SYN3: variants seen among roughly 807,000 people sequenced by gnomAD.
SYN3 encodes synapsin-3.
In SYN3, 35 loss-of-function variants were observed where a neutral mutation model predicts 65.8. The ratio of observed to expected loss-of-function variants is 0.53; its 90% CI spans 0.41 to 0.70. SYN3 has a LOEUF of 0.70. SYN3 is among the 30% of genes least tolerant of loss of function. SYN3 has a pLI of 0.00. For synonymous variants in SYN3, 270 were observed against 292.9 expected (o/e 0.92, Z 0.80); for missense variants, 680 against 749.0 (o/e 0.91, Z 1.08).
chr22:32,612,041 C>T (rs185873323), intron 6 of SYN3, among the ~76,000 whole-genome samples: 26 of 151,274 alleles, frequency 1.7e-4, no homozygotes, highest in Non-Finnish European at 2.5e-4. Flanking sequence ...TGAAAACCTC[C>T]GTGTGCTAGG....
At chr22:32,730,528 C>T (rs2061256484) in intron 6 of SYN3, among the ~76,000 whole-genome samples, 1 of 152,162 alleles carries the variant, frequency 6.6e-6, no homozygotes, top group Non-Finnish European at 1.5e-5. Flanking sequence ...ACAGTGTGTT[C>T]AAGAGGATTC....
At chr22:32,859,565 G>A in intron 6 of SYN3, 1 of 728,190 alleles carries the variant, frequency 1.4e-6, no homozygotes, top group Non-Finnish European at 2.2e-6. Flanking sequence ...GCCCCACCCT[G>A]CCCCTTCTTT....
chr22:32,751,219 C>G (rs137924003), intron 6 of SYN3, among the ~76,000 whole-genome samples: 18 of 152,128 alleles, frequency 1.2e-4, no homozygotes, highest in African/African-American at 4.1e-4. Flanking sequence ...GAGCAATGGA[C>G]CAGCTGTAGG....
intron 6 of SYN3, among the ~76,000 whole-genome samples, chr22:32,676,745 G>C (rs1172494509): frequency 6.7e-6 from 1 of 149,210 alleles, no homozygotes; most frequent in Non-Finnish European, 1.5e-5. Flanking sequence ...GGGTTTCACC[G>C]TGTTAGCCAG....
At chr22:32,856,903 A>G (rs1293703388) in intron 6 of SYN3, among the ~76,000 whole-genome samples, 1 of 152,186 alleles carries the variant, frequency 6.6e-6, no homozygotes, top group Non-Finnish European at 1.5e-5. Flanking sequence ...GAGTGAGAAC[A>G]TGGTGTATTT....
chr22:32,884,620 C>G (rs1037710919), intron 4 of SYN3, among the ~76,000 whole-genome samples: 3 of 152,198 alleles, frequency 2.0e-5, no homozygotes, highest in African/African-American at 7.2e-5. Context: ...TGGCTCACTC[C>G]TGTAACCCCC....
At chr22:32,845,084 G>A (rs1047486329) in intron 6 of SYN3, among the ~76,000 whole-genome samples, 1 of 152,054 alleles carries the variant, frequency 6.6e-6, no homozygotes, top group African/African-American at 2.4e-5. Flanking sequence ...CTCTTCCTAA[G>A]AGCAAAAGAA....
intron 13 of SYN3, among the ~76,000 whole-genome samples, chr22:32,517,458 G>T (rs780745652): frequency 6.6e-6 from 1 of 152,176 alleles, no homozygotes. Context: ...GACTGCAGTC[G>T]TATGAGTGAT....
At chr22:32,803,634 C>G (rs1297435045) in intron 6 of SYN3, among the ~76,000 whole-genome samples, 1 of 152,160 alleles carries the variant, frequency 6.6e-6, no homozygotes, top group Admixed American at 6.5e-5. Context: ...CCACCTCCAC[C>G]CACATTCCAC....
chr22:32,971,887 C>A (rs1318060903), intron 3 of SYN3, among the ~76,000 whole-genome samples: 1 of 152,184 alleles, frequency 6.6e-6, no homozygotes, highest in Non-Finnish European at 1.5e-5. Context: ...TTGGGCCACA[C>A]AGCCGTCTCA....
chr22:32,780,367 A>C (rs1372222051), intron 6 of SYN3, among the ~76,000 whole-genome samples: 1 of 152,024 alleles, frequency 6.6e-6, no homozygotes, highest in Admixed American at 6.6e-5. Context: ...GCTGTAGGAG[A>C]TGGAGACAGA....
chr22:32,738,976 G>A (rs986983739), intron 6 of SYN3, among the ~76,000 whole-genome samples: 4 of 152,298 alleles, frequency 2.6e-5, no homozygotes, highest in Admixed American at 1.3e-4. Flanking sequence ...TGTAATAAAG[G>A]TGATATTTTC....
At chr22:32,531,179 G>C (rs561570427) in intron 10 of SYN3, among the ~76,000 whole-genome samples, 1 of 61,984 alleles carries the variant, frequency 1.6e-5, no homozygotes, top group African/African-American at 7.2e-5. Context: ...AAAAAAAAAA[G>C]AATGTGAGTA....
At chr22:32,658,165 CAGA>C (rs2060168086) in intron 6 of SYN3, among the ~76,000 whole-genome samples, 1 of 152,152 alleles carries the variant, frequency 6.6e-6, no homozygotes, top group African/African-American at 2.4e-5. Flanking sequence ...CCAAGTGAGG[CAGA>C]AGGAGAATAA....
intron 6 of SYN3, among the ~76,000 whole-genome samples, chr22:32,776,792 T>C (rs1235886584): frequency 6.6e-6 from 1 of 152,096 alleles, no homozygotes; most frequent in East Asian, 1.9e-4. Context: ...GGAGAAGGCA[T>C]AAGAATTCAA....
intron 6 of SYN3, among the ~76,000 whole-genome samples, chr22:32,832,528 G>A (rs185725016): frequency 4.0e-5 from 6 of 148,732 alleles, no homozygotes; most frequent in Admixed American, 3.3e-4. Flanking sequence ...TACTTTCTAC[G>A]TAATAAGCCT....
chr22:32,831,173 G>T (rs1048463780), intron 6 of SYN3, among the ~76,000 whole-genome samples: 3 of 152,160 alleles, frequency 2.0e-5, no homozygotes, highest in Non-Finnish European at 4.4e-5. Context: ...CTTCAGGAGG[G>T]TGTGGGAGCC....
intron 3 of SYN3, among the ~76,000 whole-genome samples, chr22:32,952,024 T>C (rs893888821): frequency 2.6e-5 from 4 of 152,360 alleles, no homozygotes; most frequent in Non-Finnish European, 4.4e-5. Flanking sequence ...TTTAGCTTGC[T>C]GGTCCTGGGG....
intron 2 of SYN3, among the ~76,000 whole-genome samples, chr22:32,999,543 C>T (rs1283880942): frequency 1.3e-5 from 2 of 152,210 alleles, no homozygotes; most frequent in Admixed American, 6.5e-5. Context: ...ATTAGCTGGG[C>T]GTGGTGGCCT....
Sources: gnomAD v4.1 joint callset for allele counts (sites outside exome capture counted in the v4.1 genomes callset) on GRCh38, gnomAD v4.1.1 for gene constraint, MANE v1.5 for transcripts, NCBI Gene and HGNC (gene_info 2026-07-23, HGNC 2026-07-21) for gene names.